Variants in CILP2 observed in about 807,000 individuals in gnomAD.
CILP2 encodes CILP-2.
A neutral mutation model predicts 45.6 loss-of-function variants in CILP2; 38 were observed. That is an observed-to-expected ratio of 0.83 (90% CI 0.64 to 1.09). CILP2 has a LOEUF of 1.09. Ranked by LOEUF, CILP2 falls within the 50% of genes least tolerant of loss-of-function variation. CILP2 has a pLI of 0.00. For missense variants in CILP2, 1,735 were observed against 1,662.2 expected, an observed-to-expected ratio of 1.04 and a Z score of -0.76; for synonymous variants, 780 against 723.5, an observed-to-expected ratio of 1.08 and a Z score of -1.25.
Position 19,542,549 on chromosome 19 carries a change from G to A in CILP2, c.767G>A (p.Arg256His), listed in dbSNP as rs746138110. The change falls in exon 5 of 8, where the codon CGC becomes CAC. Residue 256 changes from arginine (R) to histidine (H), a missense_variant. Coordinates refer to ENST00000291495, the MANE Select transcript of CILP2 (RefSeq NM_153221.2). ...GTGCCTGGTGTCTGTGCTGACAGCCGCGCCAACATCAGGGCCCAGATGGAT... is the reference window on the plus strand; with the variant it reads ...GTGCCTGGTGTCTGTGCTGACAGCCACGCCAACATCAGGGCCCAGATGGAT... Reference protein sequence around the residue: ...FRVPGVCADSRANIRAQMDGF... With the variant: ...FRVPGVCADSHANIRAQMDGF... 42 of 1,614,014 alleles carry A rather than the reference G, an allele frequency of 2.6e-5. No individual in the cohort carries two copies. Among genetic ancestry groups the A allele is most frequent in the Middle Eastern group, 1.7e-4 (1 of 6,044 alleles).
Position 19,538,319 on chromosome 19 carries a change from C to T in CILP2, c.-31C>T. 2 of 1,559,806 alleles carry T rather than the reference C, an allele frequency of 1.3e-6. No individual in the cohort carries two copies. Among genetic ancestry groups the T allele is most frequent in the Admixed American group, 1.8e-5 (1 of 56,660 alleles). On this transcript the variant is annotated 5_prime_UTR_variant, in exon 1 of 8. Coordinates refer to ENST00000291495, the MANE Select transcript of CILP2 (RefSeq NM_153221.2). Reference sequence around the variant, plus strand: ...TTGGACCCGAGCACGCCGCGGAGCCCGGACCCTCCCTCGGACGCTCTGCCC... The same window carrying T: ...TTGGACCCGAGCACGCCGCGGAGCCTGGACCCTCCCTCGGACGCTCTGCCC...
In CILP2 at chr19:19,545,979, G is replaced by A; in HGVS notation, c.3434G>A (p.Gly1145Asp). The A allele has an allele frequency of 1.3e-6, 2 of 1,524,368 alleles. No individual in the cohort carries two copies. The highest frequency in any genetic ancestry group is 1.8e-6 in the Non-Finnish European group (2 of 1,134,216). 94.4% of individuals were successfully genotyped at this position (1,524,368 alleles called of 1,614,324 possible). ...EAAQAQARAS[G>D]PLRTRRGRVR... Reference sequence around the variant, plus strand: ...GCGCAGGCACAGGCCCGGGCCTCAGGTCCCCTCCGCACCCGCCGGGGTAGG... The same window carrying A: ...GCGCAGGCACAGGCCCGGGCCTCAGATCCCCTCCGCACCCGCCGGGGTAGG... Residue 1145 changes from glycine (G) to aspartate (D), a missense_variant, in exon 8 of 8, where the codon GGT becomes GAT. Gly to Asp is a moderately conservative substitution (Grantham distance 94). Transcript: ENST00000291495.
chr19:19,538,399 T>G lies in CILP2; in HGVS notation c.50T>G (p.Leu17Arg), dbSNP rs1392503736. ...TGTCTCTGTGTCGTCGCTGCGCACC[T>G]GGCGGGGGCCCGAGGTGAGGCGCCT... ...LLCLCVVAAH[L>R]AGARDATPTE... Residue 17 changes from leucine to arginine, a missense_variant, in exon 1 of 8, where the codon CTG becomes CGG. Physicochemically the swap from Leu to Arg is moderately radical, Grantham distance 102. Transcript: ENST00000291495. 3.2e-6 allele frequency: 5 copies of G among 1,560,770 alleles called. No individual in the cohort carries two copies. The Admixed American group carries it at 8.9e-5, about 28-fold the overall frequency.
rs749573038 is a variant in CILP2, at chr19:19,543,429, C to G, written c.1135+24C>G. ...TGGTGAGTGTCCTTGGCCACAGCCC[C>G]GAGCAAGCCTTCACCCAAACGGAAC... On this transcript the variant is annotated intron_variant, in intron 7 of 7. Coordinates refer to ENST00000291495, the MANE Select transcript of CILP2 (RefSeq NM_153221.2). 9 of 1,611,116 alleles carry G rather than the reference C, an allele frequency of 5.6e-6. No individual in the cohort carries two copies. In the African/African-American group the frequency reaches 9.3e-5, roughly 17 times the overall value.
chr19:19,542,661 T>G lies in CILP2; in HGVS notation c.868+11T>G. The stretch of plus-strand genomic sequence containing the variant: ...TCCTTGATAAGTTGGGTAAGCACCC[T>G]TGCAACATGGGGCATGAAGGGGCTG... On this transcript the variant is annotated intron_variant, in intron 5 of 7. Transcript: ENST00000291495. The G allele has an allele frequency of 6.2e-7, 1 of 1,610,684 alleles. No homozygotes were observed. Among genetic ancestry groups the G allele is most frequent in the East Asian group, 2.2e-5 (1 of 44,808 alleles).
rs753346659 is a variant in CILP2, at chr19:19,544,976, G to A, written c.2431G>A (p.Ala811Thr). 1.9e-6 allele frequency: 3 copies of A among 1,596,460 alleles called. No individual in the cohort carries two copies. The highest frequency in any genetic ancestry group is 4.5e-5 in the East Asian group (2 of 44,616). ...RPDAYTALVTATLGGEELEPA... is the reference protein window; with the variant it reads ...RPDAYTALVTTTLGGEELEPA... ...AGACGCCTACACCGCCCTGGTCACC[G>A]CCACCCTGGGCGGCGAGGAGCTGGA... The change falls in exon 8 of 8, where the codon GCC (alanine) becomes ACC (threonine). Residue 811 changes from alanine (A) to threonine (T), a missense_variant. Transcript: ENST00000291495.
Position 19,545,319 on chromosome 19 carries a change from A to G in CILP2, c.2774A>G (p.Asp925Gly), listed in dbSNP as rs754607120. The change falls in exon 8 of 8, where the codon GAT becomes GGT. Residue 925 changes from aspartate to glycine, a missense_variant. Asp to Gly is a moderately conservative substitution (Grantham distance 94, BLOSUM62 -1). Coordinates refer to ENST00000291495, the MANE Select transcript of CILP2 (RefSeq NM_153221.2). The stretch of plus-strand genomic sequence containing the variant: ...GGCACACCTGCCTCCTGGACTGGCG[A>G]TCTCCTGGCCTGGTGGCCCAACCCG... ...REGTPASWTGDLLAWWPNPQE... is the reference protein window; with the variant it reads ...REGTPASWTGGLLAWWPNPQE... The G allele has an allele frequency of 3.1e-6, 5 of 1,612,580 alleles. No homozygotes were observed. The highest frequency in any genetic ancestry group is 4.2e-6 in the Non-Finnish European group (5 of 1,179,864).
At position 19,542,651 on chromosome 19, in the gene CILP2, G is replaced by A; in HGVS notation, c.868+1G>A. On this transcript the variant is annotated splice_donor_variant, in intron 5 of 7. Transcript: ENST00000291495. LOFTEE classifies it high-confidence loss of function. ...GTCACCATCATCCTTGATAAGTTGG[G>A]TAAGCACCCTTGCAACATGGGGCAT... is the stretch of plus-strand genomic sequence containing the variant. 1 of 1,612,388 alleles carries A rather than the reference G, an allele frequency of 6.2e-7. No individual in the cohort carries two copies. The highest frequency in any genetic ancestry group is 8.5e-7 in the Non-Finnish European group (1 of 1,178,636).
chr19:19,542,419 G>A lies in CILP2; in HGVS notation c.637G>A (p.Gly213Ser). The change falls in exon 5 of 8, where the codon GGC becomes AGC. Residue 213 changes from glycine (G) to serine (S), a missense_variant. Transcript: ENST00000291495. Reference protein sequence around the residue: ...TCECPDHILLGSVVTPSGQPL... With the variant: ...TCECPDHILLSSVVTPSGQPL... ...TGAATGCCCGGACCACATCCTCCTG[G>A]GCTCGGTGGTCACCCCATCTGGGCA... The A allele has an allele frequency of 1.9e-6, 3 of 1,612,198 alleles. No individual in the cohort carries two copies. The highest frequency in any genetic ancestry group is 2.5e-6 in the Non-Finnish European group (3 of 1,179,942).
In CILP2 at chr19:19,544,800, G is replaced by A; in HGVS notation, c.2255G>A (p.Ser752Asn). Residue 752 changes from serine to asparagine, a missense_variant, in exon 8 of 8, where the codon AGC becomes AAC. Ser to Asn is a conservative substitution (Grantham distance 46). Coordinates refer to ENST00000291495, the MANE Select transcript of CILP2 (RefSeq NM_153221.2). Reference protein sequence around the residue: ...RAYANDKFTPSEQVEGVVVTL... With the variant: ...RAYANDKFTPNEQVEGVVVTL... ...TACGCCAACGACAAGTTCACCCCCA[G>A]CGAGCAGGTGGAGGGCGTGGTGGTC... is the stretch of plus-strand genomic sequence containing the variant. 1 of 1,605,304 alleles carries A rather than the reference G, an allele frequency of 6.2e-7. No homozygotes were observed. The highest frequency in any genetic ancestry group is 8.5e-7 in the Non-Finnish European group (1 of 1,179,614).
Position 19,544,993 on chromosome 19 carries a change from G to A in CILP2, c.2448G>A (p.Glu816=), listed in dbSNP as rs1350222189. The A allele has an allele frequency of 1.9e-6, 3 of 1,600,072 alleles. No homozygotes were observed. Among genetic ancestry groups the A allele is most frequent in the Non-Finnish European group, 2.5e-6 (3 of 1,178,290 alleles). ...TALVTATLGG[E]ELEPAPSLPR... is the part of the protein sequence containing the mutation. ...TGGTCACCGCCACCCTGGGCGGCGA[G>A]GAGCTGGAGCCGGCCCCTTCCTTGC... The change falls in exon 8 of 8, where the codon GAG becomes GAA. Residue 816 remains glutamate, a synonymous_variant. Transcript: ENST00000291495.
In CILP2 at chr19:19,544,519, G is replaced by A. The variant is rs2061256126; in HGVS notation, c.1974G>A (p.Val658=). 1.4e-5 allele frequency: 22 copies of A among 1,595,450 alleles called. No homozygotes were observed. Among genetic ancestry groups the A allele is most frequent in the Non-Finnish European group, 1.9e-5 (22 of 1,175,634 alleles). ...CCGGCTCCGCGGAGCAGCTGCAGGT[G>A]GGGCCGGTGGCCGTGCGGGTGGCCG... The part of the protein sequence containing the change: ...RAPGSAEQLQ[V]GPVAVRVAAS... The change falls in exon 8 of 8, where the codon GTG becomes GTA. Residue 658 remains valine, a synonymous_variant. Transcript: ENST00000291495.
Position 19,541,117 on chromosome 19 carries a change from TG to T in CILP2, c.467del (p.Gly156ValfsTer69). 7.9e-7 allele frequency: 1 copy of T among 1,261,334 alleles called. No homozygotes were observed. The highest frequency in any genetic ancestry group is 3.5e-5 in the South Asian group (1 of 28,524). The allele number at this position is 1,261,334 out of a possible 1,614,324, so 78.1% of individuals were successfully genotyped here. A position where few individuals can be genotyped will look rare whatever the true frequency, so the allele number is the denominator to read the frequency against. Reference sequence around the variant, plus strand: ...AGCCTCGTGGGGCGCGTGGGGCCCGTGGGGTCCCTGCTCGGGGAGCTGTGGG... The same window carrying T: ...AGCCTCGTGGGGCGCGTGGGGCCCGTGGGTCCCTGCTCGGGGAGCTGTGGG... The part of the protein sequence containing the change: ...LEASWGAWGP[W>X]GPCSGSCGPG... On this transcript the variant is annotated frameshift_variant, in exon 4 of 8. Transcript: ENST00000291495. LOFTEE classifies it high-confidence loss of function.
chr19:19,541,081 C>T lies in CILP2; in HGVS notation c.437-10C>T, dbSNP rs757868643. 7.9e-7 allele frequency: 1 copy of T among 1,259,166 alleles called. No homozygotes were observed. The highest frequency in any genetic ancestry group is 3.5e-5 in the South Asian group (1 of 28,424). The allele number at this position is 1,259,166 out of a possible 1,614,324, so 78.0% of individuals were successfully genotyped here. A position where few individuals can be genotyped will look rare whatever the true frequency, so the allele number is the denominator to read the frequency against. Reference sequence around the variant, plus strand: ...GGCGGCCACCTGATCTCCGTCCCTGCCTTCCGCAGAAGCCTCGTGGGGCGC... The same window carrying T: ...GGCGGCCACCTGATCTCCGTCCCTGTCTTCCGCAGAAGCCTCGTGGGGCGC... On this transcript the variant is annotated splice_polypyrimidine_tract_variant and intron_variant, in intron 3 of 7. Transcript: ENST00000291495.
At chr19:19,541,270 C>CT (rs1291573025) in intron 4 of CILP2, 24 bp downstream of exon 4, 1 of 1,281,570 alleles carries the variant, frequency 7.8e-7, no homozygotes, top group Non-Finnish European at 9.9e-7. Context: ...GGTCTGGAGG[C>CT]TGGGACCTGT....
In CILP2 at chr19:19,539,671, A is replaced by G. The variant is rs1187855009; in HGVS notation, c.65-8A>G. ...GCGTGCTTCCTTCTCCCCACTCCTCACCCACAGACGCCACCCCCACCGAGG... is the reference window on the plus strand; with the variant it reads ...GCGTGCTTCCTTCTCCCCACTCCTCGCCCACAGACGCCACCCCCACCGAGG... On this transcript the variant is annotated splice_region_variant and splice_polypyrimidine_tract_variant and intron_variant, in intron 1 of 7. Transcript: ENST00000291495. 2 of 1,563,450 alleles carry G rather than the reference A, an allele frequency of 1.3e-6. No homozygotes were observed.
chr19:19,543,885 A>G lies in CILP2; in HGVS notation c.1340A>G (p.Glu447Gly). ...CCSVRRLERREIHCPGYVLPV... is the reference protein window; with the variant it reads ...CCSVRRLERRGIHCPGYVLPV... Reference sequence around the variant, plus strand: ...TCTGTGCGCCGTCTGGAGAGAAGGGAGATTCACTGCCCTGGCTACGTCCTC... The same window carrying G: ...TCTGTGCGCCGTCTGGAGAGAAGGGGGATTCACTGCCCTGGCTACGTCCTC... The change falls in exon 8 of 8, where the codon GAG becomes GGG. Residue 447 changes from glutamate to glycine, a missense_variant. By Grantham distance (98) the Glu-to-Gly change is moderately conservative. Coordinates refer to ENST00000291495, the MANE Select transcript of CILP2 (RefSeq NM_153221.2). 6.2e-7 allele frequency: 1 copy of G among 1,613,826 alleles called. No homozygotes were observed. The highest frequency in any genetic ancestry group is 8.5e-7 in the Non-Finnish European group (1 of 1,179,822).
intron 1 of CILP2, among the ~76,000 whole-genome samples, chr19:19,538,934 G>A (rs1256579239): frequency 7.2e-5 from 11 of 152,190 alleles, no homozygotes; most frequent in Admixed American, 7.2e-4. Flanking sequence ...CCGGCAGCTC[G>A]GACTGTAGTA....
In CILP2 at chr19:19,541,198, C is replaced by T. The variant is rs1340469407; in HGVS notation, c.544C>T (p.Pro182Ser). ...CCCAAGCCCCGCTGGGGATGCGTGT[C>T]CCGGGCGTCCTCTGGAGGCGCAGAA... is the stretch of plus-strand genomic sequence containing the variant. ...HCPSPAGDAC[P>S]GRPLEAQKCV... The change falls in exon 4 of 8, where the codon CCC becomes TCC. Residue 182 changes from proline (P) to serine (S), a missense_variant. Coordinates refer to ENST00000291495, the MANE Select transcript of CILP2 (RefSeq NM_153221.2). 4 of 1,275,444 alleles carry T rather than the reference C, an allele frequency of 3.1e-6. No homozygotes were observed. In the African/African-American group the frequency reaches 4.6e-5, roughly 15 times the overall value. 79.0% of individuals were successfully genotyped at this position (1,275,444 alleles called of 1,614,324 possible).
Sources: gnomAD v4.1 joint callset for allele counts (sites outside exome capture counted in the v4.1 genomes callset) on GRCh38, gnomAD v4.1.1 for gene constraint, MANE v1.5 for transcripts, NCBI Gene and HGNC (gene_info 2026-07-23, HGNC 2026-07-21) for gene names.